Variants in MAPK10 observed in about 807,000 individuals in gnomAD.
The protein encoded by MAPK10 is mitogen-activated protein kinase 10.
In MAPK10, 25 loss-of-function variants were observed where a neutral mutation model predicts 59.3. That is an observed-to-expected ratio of 0.42 (90% CI 0.31 to 0.59). MAPK10 has a LOEUF of 0.59. Ranked by LOEUF, MAPK10 falls within the 20% of genes least tolerant of loss-of-function variation. The pLI, the probability that MAPK10 is intolerant of heterozygous loss-of-function variation, is 0.15. For synonymous variants in MAPK10, 190 were observed against 200.5 expected (o/e 0.95, Z 0.44); for missense variants, 351 against 568.9 (o/e 0.62, Z 3.90).
At chr4:86,329,473 A>G (rs17011700) in intron 2 of MAPK10, among the ~76,000 whole-genome samples, 2,970 of 152,274 alleles carry the variant, frequency 0.02, 81 homozygotes, top group African/African-American at 0.067. Context: ...TTATTTAAGG[A>G]TGCAGCCATC....
At chr4:86,165,408 C>T (rs898668193) in intron 3 of MAPK10, among the ~76,000 whole-genome samples, 3 of 151,980 alleles carry the variant, frequency 2.0e-5, no homozygotes, top group South Asian at 2.1e-4. Context: ...AACAGGGTCT[C>T]GCTCTGTCAT....
intron 1 of MAPK10, among the ~76,000 whole-genome samples, chr4:86,567,785 A>AT: frequency 6.6e-6 from 1 of 152,244 alleles, no homozygotes; most frequent in Middle Eastern, 3.2e-3. Flanking sequence ...AAAGAAGTTT[A>AT]TGTCAAAGTG....
At chr4:86,526,747 A>T (rs12186230) in intron 1 of MAPK10, among the ~76,000 whole-genome samples, 8,156 of 152,224 alleles carry the variant, frequency 0.054, 321 homozygotes, top group Non-Finnish European at 0.082. Context: ...GCTGCATCCC[A>T]GAGATTTTAG....
Position 86,159,446 on chromosome 4 carries a change from C to A in MAPK10, c.88G>T (p.Val30Leu). ...TTGTAATGTTTGGCAATATATGACA[C>A]ATCCACTTGTTTATCGAATCCCTGT... ...FCQGFDKQVD[V>L]SYIAKHYNMS... Residue 30 changes from valine to leucine, a missense_variant, in exon 4 of 14, where the codon GTG (valine) becomes TTG (leucine). Physicochemically the swap from Val to Leu is conservative, Grantham distance 32. Coordinates refer to ENST00000641462, the MANE Select transcript of MAPK10 (RefSeq NM_138982.4). 1 of 1,609,874 alleles carries A rather than the reference C, an allele frequency of 6.2e-7. No homozygotes were observed. Among genetic ancestry groups the A allele is most frequent in the Non-Finnish European group, 8.5e-7 (1 of 1,177,844 alleles).
intron 3 of MAPK10, among the ~76,000 whole-genome samples, chr4:86,189,190 G>A (rs563939953): frequency 3.3e-5 from 5 of 151,878 alleles, no homozygotes; most frequent in Non-Finnish European, 7.4e-5. Context: ...TGCCTCCAGT[G>A]TTGTTCTTTT....
Position 86,359,640 on chromosome 4 carries a change from G to A in MAPK10, c.-122+18C>T, listed in dbSNP as rs553351193. On this transcript the variant is annotated intron_variant, in intron 1 of 13. Coordinates refer to ENST00000641462, the MANE Select transcript of MAPK10 (RefSeq NM_138982.4). The stretch of plus-strand genomic sequence containing the variant: ...CCAAAAACAGGTTAGAACCCAGAAC[G>A]AGCAAAGAGCCACCTACCATTCCGT... The A allele has an allele frequency of 4.1e-6, 4 of 982,226 alleles. No homozygotes were observed. Among genetic ancestry groups the A allele is most frequent in the East Asian group, 1.1e-4 (1 of 8,784 alleles). 60.8% of individuals were successfully genotyped at this position (982,226 alleles called of 1,614,324 possible). A position where few individuals can be genotyped will look rare whatever the true frequency, so the allele number is the denominator to read the frequency against.
intron 2 of MAPK10, among the ~76,000 whole-genome samples, chr4:86,338,502 T>C (rs947384636): frequency 6.6e-6 from 1 of 152,184 alleles, no homozygotes; most frequent in Non-Finnish European, 1.5e-5. Context: ...CAGGACAGTT[T>C]GGGGCATGCT....
intron 9 of MAPK10, among the ~76,000 whole-genome samples, chr4:86,093,984 A>G (rs1340160973): frequency 6.6e-6 from 1 of 151,960 alleles, no homozygotes; most frequent in Non-Finnish European, 1.5e-5. Flanking sequence ...TAAATTTTAT[A>G]TTGTTTGAAA....
intron 3 of MAPK10, among the ~76,000 whole-genome samples, chr4:86,163,663 A>G (rs779466871): frequency 1.3e-5 from 2 of 152,164 alleles, no homozygotes; most frequent in Non-Finnish European, 2.9e-5. Context: ...TGATTCAGTA[A>G]TACTAGGATA....
intron 3 of MAPK10, among the ~76,000 whole-genome samples, chr4:86,182,917 T>C (rs979296522): frequency 4.6e-5 from 7 of 152,120 alleles, no homozygotes; most frequent in Non-Finnish European, 1.5e-5. Context: ...CTTCTTTTTA[T>C]TCCTTTGCTT....
chr4:86,293,055 T>G (rs905069503), intron 2 of MAPK10, among the ~76,000 whole-genome samples: 6 of 152,190 alleles, frequency 3.9e-5, no homozygotes, highest in African/African-American at 1.4e-4. Flanking sequence ...TACAACTATG[T>G]CTATAGTTTA....
intron 4 of MAPK10, among the ~76,000 whole-genome samples, chr4:86,139,728 C>T (rs986478041): frequency 3.3e-5 from 5 of 152,192 alleles, no homozygotes; most frequent in African/African-American, 9.6e-5. Context: ...AAAGAAACTA[C>T]CATCAGAGTA....
chr4:86,163,068 A>C (rs573859910), intron 3 of MAPK10, among the ~76,000 whole-genome samples: 1 of 152,282 alleles, frequency 6.6e-6, no homozygotes, highest in South Asian at 2.1e-4. Context: ...ATTAAACTTC[A>C]GGTAAAATTT....
At chr4:86,197,453 T>C (rs1356508664) in intron 2 of MAPK10, among the ~76,000 whole-genome samples, 4 of 152,138 alleles carry the variant, frequency 2.6e-5, no homozygotes, top group Non-Finnish European at 5.9e-5. Context: ...CTTAAGGAGA[T>C]TTGGGGCTGA....
At chr4:86,260,834 CATTCATTT>C (rs1195152530) in intron 2 of MAPK10, among the ~76,000 whole-genome samples, 3 of 152,084 alleles carry the variant, frequency 2.0e-5, no homozygotes, top group African/African-American at 7.2e-5. Context: ...TTCATTTATT[CATTCATTT>C]ATTCAACTAA....
chr4:86,394,557 G>A (rs1012078438), intron 1 of MAPK10, among the ~76,000 whole-genome samples: 11 of 152,118 alleles, frequency 7.2e-5, no homozygotes, highest in Middle Eastern at 3.4e-3. Flanking sequence ...ATTAACAGTG[G>A]TATGGGATTT....
In MAPK10 at chr4:86,403,858, C is replaced by T. The variant is rs538172527; in HGVS notation, c.-122+49172G>A. Among the ~76,000 whole-genome samples the T allele has an allele frequency of 9.9e-5, 15 of 152,168 alleles. No individual in the cohort carries two copies. The South Asian group carries it at 1.2e-3, about 13-fold the overall frequency. On this transcript the variant is annotated intron_variant, in intron 1 of 13. Transcript: ENST00000361569. ...TCCCTTGACACGTAGGCATTACAAC[C>T]GGAGATAAGATTTCGGTAGGGACAC...
At chr4:86,170,206 C>A (rs1344216829) in intron 3 of MAPK10, among the ~76,000 whole-genome samples, 2 of 151,656 alleles carry the variant, frequency 1.3e-5, no homozygotes, top group African/African-American at 2.4e-5. Flanking sequence ...ATACACACAT[C>A]ACAATATTAA....
intron 11 of MAPK10, among the ~76,000 whole-genome samples, chr4:86,034,612 G>T (rs868586464): frequency 6.6e-6 from 1 of 152,158 alleles, no homozygotes; most frequent in Non-Finnish European, 1.5e-5. Flanking sequence ...AATTGAATAA[G>T]GTGACTGCTG....
Sources: allele counts gnomAD v4.1 joint callset (sites outside exome capture counted in the v4.1 genomes callset), GRCh38; gene constraint gnomAD v4.1.1; transcripts MANE v1.5; gene names NCBI Gene and HGNC (gene_info 2026-07-23, HGNC 2026-07-21).